The following IL1RAPL2 variants were observed in gnomAD, a reference collection of about 807,000 sequenced individuals.
IL1RAPL2 encodes the protein X-linked interleukin-1 receptor accessory protein-like 2.
Under a neutral mutation model 44.1 loss-of-function variants are expected in IL1RAPL2, and 3 were observed. The ratio of observed to expected loss-of-function variants is 0.07; its 90% CI spans 0.03 to 0.18. The LOEUF is 0.18. Among genes scored for constraint, IL1RAPL2 ranks in the 10% least tolerant of loss-of-function variants. The pLI is 1.00. For synonymous variants in IL1RAPL2, 181 were observed against 178.8 expected, an observed-to-expected ratio of 1.01 and a Z score of -0.10; for missense variants, 391 against 496.4, an observed-to-expected ratio of 0.79 and a Z score of 2.02.
chrX:105,492,042 A>G (rs2036323753), intron 6 of IL1RAPL2, among the ~76,000 whole-genome samples: 2 of 111,768 alleles, frequency 1.8e-5, no homozygotes, highest in African/African-American at 3.2e-5. Context: ...TACAAGTTTG[A>G]TGGTGTTTCA....
chrX:104,865,306 A>G (rs1569329131), intron 2 of IL1RAPL2, among the ~76,000 whole-genome samples: 1 of 112,045 alleles, frequency 8.9e-6, no homozygotes, highest in East Asian at 2.8e-4. Flanking sequence ...TATTAACTTT[A>G]TGTGATAGCT....
intron 1 of IL1RAPL2, among the ~76,000 whole-genome samples, chrX:104,582,642 C>CTTTCTTTCTTTCTTTCTTTCTCTCTT (rs199665655): frequency 3.8e-5 from 1 of 26,036 alleles, no homozygotes; most frequent in African/African-American, 1.1e-4. Flanking sequence ...CTTTCTTTCT[C>CTTTCTTTCTTTCTTTCTTTCTCTCTT]TCTTTCTTTC....
At chrX:104,620,723 G>A (rs1472459447) in intron 1 of IL1RAPL2, among the ~76,000 whole-genome samples, 3 of 101,669 alleles carry the variant, frequency 3.0e-5, no homozygotes, top group Non-Finnish European at 2.0e-5. Context: ...ATAGGTAGTT[G>A]GTTATTTTTT....
At position 104,649,465 on chromosome X, in the gene IL1RAPL2, T is replaced by A. The variant is rs187934539; in HGVS notation, c.-19-9430T>A. 6.3e-5 allele frequency among the ~76,000 whole-genome samples: 7 copies of A among 111,670 alleles called. No homozygotes were observed. In the East Asian group the frequency reaches 2.0e-3, roughly 31 times the overall value. On this transcript the variant is annotated intron_variant, in intron 1 of 10. Coordinates refer to ENST00000372582, the MANE Select transcript of IL1RAPL2 (RefSeq NM_017416.2). ...ATTGCATCTCTGTTTTCTGATTGAA[T>A]AGCTAATAGGACCTCAGGGCCATCT...
At chrX:105,088,613 T>C (rs2032505319) in intron 2 of IL1RAPL2, among the ~76,000 whole-genome samples, 1 of 110,906 alleles carries the variant, frequency 9.0e-6, no homozygotes, top group African/African-American at 3.3e-5. Flanking sequence ...ATTGCTTTGG[T>C]TTTTTTCTAT....
chrX:105,562,940 A>C (rs1260686334), intron 6 of IL1RAPL2, among the ~76,000 whole-genome samples: 1 of 112,141 alleles, frequency 8.9e-6, no homozygotes, highest in East Asian at 2.8e-4. Context: ...GTACTGTTCT[A>C]GTGGTAGAGG....
chrX:105,363,976 C>A (rs923797708), intron 5 of IL1RAPL2, among the ~76,000 whole-genome samples: 4 of 111,394 alleles, frequency 3.6e-5, no homozygotes, highest in Non-Finnish European at 7.6e-5. Context: ...GCTCTTGTTG[C>A]CTATGCTTTT....
At chrX:105,634,600 G>GC (rs2037511539) in intron 6 of IL1RAPL2, among the ~76,000 whole-genome samples, 1 of 111,624 alleles carries the variant, frequency 9.0e-6, no homozygotes. Flanking sequence ...AATGGTTCTT[G>GC]CCCTCATATT....
intron 2 of IL1RAPL2, among the ~76,000 whole-genome samples, chrX:104,755,191 G>C (rs1932322018): frequency 9.0e-6 from 1 of 110,977 alleles, no homozygotes; most frequent in African/African-American, 3.3e-5. Context: ...TCTGGGCAGA[G>C]AGTATCACAA....
At chrX:105,341,344 T>C (rs1310746834) in intron 5 of IL1RAPL2, among the ~76,000 whole-genome samples, 2 of 85,256 alleles carry the variant, frequency 2.3e-5, no homozygotes, top group Admixed American at 2.2e-4. Context: ...TTTTCTTTTC[T>C]TTTTTTTTTA....
chrX:105,127,902 C>T (rs2032989857), intron 2 of IL1RAPL2, among the ~76,000 whole-genome samples: 1 of 110,874 alleles, frequency 9.0e-6, no homozygotes, highest in African/African-American at 3.3e-5. Context: ...AAATAGAAAA[C>T]AGCCAGAGTA....
At chrX:104,972,662 T>C (rs754278237) in intron 2 of IL1RAPL2, among the ~76,000 whole-genome samples, 1 of 111,859 alleles carries the variant, frequency 8.9e-6, no homozygotes, top group African/African-American at 3.2e-5. Flanking sequence ...ATTAGAGTAA[T>C]TGGGAGATCA....
intron 2 of IL1RAPL2, among the ~76,000 whole-genome samples, chrX:104,793,021 C>G (rs1294095350): frequency 8.9e-6 from 1 of 111,956 alleles, no homozygotes. Context: ...GTTAAGACTT[C>G]AGTTCTTTAT....
intron 5 of IL1RAPL2, among the ~76,000 whole-genome samples, chrX:105,450,196 G>A (rs1239432234): frequency 3.6e-5 from 4 of 111,837 alleles, no homozygotes; most frequent in African/African-American, 3.3e-5. Context: ...ACAGGGCAGC[G>A]CTGAGTTCAA....
intron 2 of IL1RAPL2, among the ~76,000 whole-genome samples, chrX:104,883,480 C>A (rs368930941): frequency 1.8e-5 from 2 of 111,198 alleles, no homozygotes; most frequent in African/African-American, 6.5e-5. Flanking sequence ...GTTGGTTGAC[C>A]CTGTGACCAT....
chrX:104,949,168 T>C (rs1461633485), intron 2 of IL1RAPL2, among the ~76,000 whole-genome samples: 1 of 109,407 alleles, frequency 9.1e-6, no homozygotes, highest in Non-Finnish European at 1.9e-5. Flanking sequence ...TGTCGAGGAA[T>C]TTATCCATTT....
chrX:105,749,221 C>A, intron 9 of IL1RAPL2, 118 bp downstream of exon 9: 4 of 629,852 alleles, frequency 6.4e-6, no homozygotes, highest in Non-Finnish European at 9.3e-6. Flanking sequence ...AGGGCTATGG[C>A]AAGTTACTTA....
At chrX:104,934,528 A>G (rs943149708) in intron 2 of IL1RAPL2, among the ~76,000 whole-genome samples, 1 of 111,633 alleles carries the variant, frequency 9.0e-6, no homozygotes, top group African/African-American at 3.2e-5. Flanking sequence ...ATCATCTCAG[A>G]AAGCAGTGAA....
intron 2 of IL1RAPL2, among the ~76,000 whole-genome samples, chrX:104,893,793 G>T (rs1174551290): frequency 1.8e-5 from 2 of 111,293 alleles, no homozygotes; most frequent in Non-Finnish European, 3.8e-5. Context: ...TACGTTTAAG[G>T]TTAATATTGT....
Sources: allele counts gnomAD v4.1 joint callset (sites outside exome capture counted in the v4.1 genomes callset), GRCh38; gene constraint gnomAD v4.1.1; transcripts MANE v1.5; gene names NCBI Gene and HGNC (gene_info 2026-07-23, HGNC 2026-07-21).